The following PRDM6 variants were observed in gnomAD, a reference collection of about 807,000 sequenced individuals.
PRDM6 encodes the protein putative histone-lysine N-methyltransferase PRDM6.
In PRDM6, 25 loss-of-function variants were observed where a neutral mutation model predicts 60.8. That is an observed-to-expected ratio of 0.41 (90% confidence interval 0.30 to 0.57). The LOEUF is 0.57. Among genes scored for constraint, PRDM6 ranks in the 20% least tolerant of loss-of-function variants. The pLI, the probability that PRDM6 is intolerant of heterozygous loss-of-function variation, is 0.27. For synonymous variants in PRDM6, 407 were observed against 357.4 expected (o/e 1.14, Z -1.57); for missense variants, 839 against 821.3 (o/e 1.02, Z -0.26).
intron 3 of PRDM6, among the ~76,000 whole-genome samples, chr5:123,144,674 T>A (rs1765197008): frequency 6.6e-6 from 1 of 152,196 alleles, no homozygotes; most frequent in South Asian, 2.1e-4. Flanking sequence ...GAAGTCTTTA[T>A]CCTGCTGCTT....
At chr5:123,168,349 C>T (rs1043563510) in intron 5 of PRDM6, among the ~76,000 whole-genome samples, 12 of 151,862 alleles carry the variant, frequency 7.9e-5, no homozygotes, top group Admixed American at 3.9e-4. Flanking sequence ...CTTTAAATTT[C>T]GAAACACAGC....
intron 3 of PRDM6, among the ~76,000 whole-genome samples, chr5:123,131,250 T>C (rs1029388126): frequency 2.0e-5 from 3 of 152,076 alleles, no homozygotes; most frequent in Non-Finnish European, 2.9e-5. Context: ...AGGAATAAGA[T>C]CTAGTGGTCA....
At chr5:123,098,882 T>C (rs1764026600) in intron 2 of PRDM6, among the ~76,000 whole-genome samples, 1 of 129,404 alleles carries the variant, frequency 7.7e-6, no homozygotes, top group Non-Finnish European at 1.6e-5. Context: ...GAGAACTGAC[T>C]GGTCGCTTGA....
chr5:123,090,278 C>CTCCGCCTCT lies in PRDM6; in HGVS notation c.272_273insTTCCGCCTC (p.Ala93_Ser95dup). ...CGTCCACGCCGGCTTCCTCTTCCAC[C>CTCCGCCTCT]TCCGCCTCCTCCGCCTCCTCCTGCG... On this transcript the variant is annotated inframe_insertion, in exon 2 of 8. Coordinates refer to ENST00000407847, the MANE Select transcript of PRDM6 (RefSeq NM_001136239.4). 7 of 1,487,434 alleles carry CTCCGCCTCT rather than the reference C, an allele frequency of 4.7e-6. No individual in the cohort carries two copies. Among genetic ancestry groups the CTCCGCCTCT allele is most frequent in the Non-Finnish European group, 6.3e-6 (7 of 1,119,454 alleles). 92.1% of individuals were successfully genotyped at this position (1,487,434 alleles called of 1,614,324 possible). A position where few individuals can be genotyped will look rare whatever the true frequency, so the allele number is the denominator to read the frequency against.
At chr5:123,147,848 T>C (rs1280748893) in intron 3 of PRDM6, among the ~76,000 whole-genome samples, 1 of 152,260 alleles carries the variant, frequency 6.6e-6, no homozygotes, top group African/African-American at 2.4e-5. Flanking sequence ...GAATGATGGA[T>C]GGCAGGCTTC....
chr5:123,118,494 C>G (rs1488555503), intron 3 of PRDM6, among the ~76,000 whole-genome samples: 2 of 152,186 alleles, frequency 1.3e-5, no homozygotes, highest in Non-Finnish European at 2.9e-5. Flanking sequence ...TTTGACTCAA[C>G]AAGTAAGGTA....
At chr5:123,186,248 T>C (rs1766286268) in intron 7 of PRDM6, among the ~76,000 whole-genome samples, 1 of 152,230 alleles carries the variant, frequency 6.6e-6, no homozygotes, top group South Asian at 2.1e-4. Flanking sequence ...AGATTTTGAA[T>C]GTGTGTTCTG....
rs1338880416 is a variant in PRDM6, at chr5:123,180,161, GC to G, written c.1513del (p.His505ThrfsTer12). 6.5e-7 allele frequency: 1 copy of G among 1,549,924 alleles called. No individual in the cohort carries two copies. The highest frequency in any genetic ancestry group is 1.4e-5 in the African/African-American group (1 of 73,000). On this transcript the variant is annotated frameshift_variant, in exon 7 of 8. Coordinates refer to ENST00000407847, the MANE Select transcript of PRDM6 (RefSeq NM_001136239.4). LOFTEE classifies it high-confidence loss of function. ...ATTTGTTTCAGACCCTACCAATGCG[GC>G]CACTGCTCCCAGTCCTTTTCCCAGC... is the stretch of plus-strand genomic sequence containing the variant. The part of the protein sequence containing the change: ...TQNPDRPYQC[G>X]HCSQSFSQPS...
Position 123,187,692 on chromosome 5 carries a change from G to A in PRDM6, c.*491G>A, listed in dbSNP as rs1178442394. On this transcript the variant is annotated 3_prime_UTR_variant, in exon 8 of 8. Transcript: ENST00000407847. ...CACTGGCTGCCCCAGCGGGGACCAC[G>A]GAAGCAGAGTGAGAGCCTTCGCTGA... The A allele has an allele frequency of 6.4e-6, 1 of 156,806 alleles. No homozygotes were observed. Among genetic ancestry groups the A allele is most frequent in the Non-Finnish European group, 1.4e-5 (1 of 70,796 alleles). The allele number at this position is 156,806 out of a possible 1,614,324, so 9.7% of individuals were successfully genotyped here.
intron 3 of PRDM6, among the ~76,000 whole-genome samples, chr5:123,100,512 T>G (rs1368381769): frequency 6.6e-6 from 1 of 152,160 alleles, no homozygotes; most frequent in Non-Finnish European, 1.5e-5. Flanking sequence ...TTTCACAACT[T>G]TCAAAGGGCC....
Position 123,190,504 on chromosome 5 carries a change from CATATAATTT to C in PRDM6, c.*3313_*3321del, listed in dbSNP as rs1239177444. ...TAATTAAAGCTATGAAACTTAATCT[CATATAATTT>C]ATATAATTTGATTCAGTTGGTACAT... On this transcript the variant is annotated 3_prime_UTR_variant, in exon 8 of 8. Transcript: ENST00000407847. 6.6e-6 allele frequency: 1 copy of C among 152,146 alleles called. No individual in the cohort carries two copies. The highest frequency in any genetic ancestry group is 1.5e-5 in the Non-Finnish European group (1 of 68,030). The allele number at this position is 152,146 out of a possible 1,614,324, so 9.4% of individuals were successfully genotyped here.
intron 2 of PRDM6, 99 bp downstream of exon 2, chr5:123,090,705 C>T: frequency 2.7e-5 from 2 of 73,206 alleles, no homozygotes; most frequent in South Asian, 1.7e-4. Flanking sequence ...AGGAGTGACA[C>T]GGGGCCGGGT....
chr5:123,170,711 T>C (rs1765867788), intron 5 of PRDM6, 55 bp from the exon 6 acceptor site: 1 of 1,208,354 alleles, frequency 8.3e-7, no homozygotes, highest in African/African-American at 1.5e-5. Flanking sequence ...TGTGTTATTG[T>C]GCTTATTTTA....
intron 7 of PRDM6, among the ~76,000 whole-genome samples, chr5:123,183,758 G>C (rs373923326): frequency 1.3e-5 from 2 of 152,150 alleles, no homozygotes; most frequent in African/African-American, 4.8e-5. Flanking sequence ...AGGAAATAAA[G>C]AAGTTAGTTG....
rs1474674110 is a variant in PRDM6 at position 123,189,939 on chromosome 5, G to A, written c.*2738G>A. On this transcript the variant is annotated 3_prime_UTR_variant, in exon 8 of 8. Coordinates refer to ENST00000407847, the MANE Select transcript of PRDM6 (RefSeq NM_001136239.4). Reference sequence around the variant, plus strand: ...TTGAAACTTCCTAACAATTGCTTTAGCCTTTTCTATTTAAAGTGGACACAC... The same window carrying A: ...TTGAAACTTCCTAACAATTGCTTTAACCTTTTCTATTTAAAGTGGACACAC... The A allele has an allele frequency of 1.3e-5, 2 of 152,186 alleles. No individual in the cohort carries two copies. The highest frequency in any genetic ancestry group is 4.8e-5 in the African/African-American group (2 of 41,440). The allele number at this position is 152,186 out of a possible 1,614,324, so 9.4% of individuals were successfully genotyped here.
At chr5:123,161,178 GGT>G (rs1040936362) in intron 5 of PRDM6, among the ~76,000 whole-genome samples, 6 of 152,142 alleles carry the variant, frequency 3.9e-5, no homozygotes, top group African/African-American at 1.4e-4. Context: ...CTGTTGTTGT[GGT>G]GTGTGTGTTG....
chr5:123,176,883 A>G (rs927926556), intron 6 of PRDM6, among the ~76,000 whole-genome samples: 3 of 152,228 alleles, frequency 2.0e-5, no homozygotes, highest in African/African-American at 7.2e-5. Context: ...CAAAAATTTA[A>G]TAAGTCTTAC....
chr5:123,126,563 G>A (rs1056812907), intron 3 of PRDM6, among the ~76,000 whole-genome samples: 1 of 152,182 alleles, frequency 6.6e-6, no homozygotes, highest in African/African-American at 2.4e-5. Flanking sequence ...CCTGGGTTCT[G>A]ACATGCTCTC....
chr5:123,110,204 TA>T (rs1450249122), intron 3 of PRDM6, among the ~76,000 whole-genome samples: 2 of 151,436 alleles, frequency 1.3e-5, no homozygotes, highest in African/African-American at 4.8e-5. Context: ...AAACATGTCA[TA>T]AAGAACAAAA....
Sources: gnomAD v4.1 joint callset for allele counts (sites outside exome capture counted in the v4.1 genomes callset) on GRCh38, gnomAD v4.1.1 for gene constraint, MANE v1.5 for transcripts, NCBI Gene and HGNC (gene_info 2026-07-23, HGNC 2026-07-21) for gene names.